The following UBXN4 variants were observed in gnomAD, a reference collection of about 807,000 sequenced individuals.
The protein encoded by UBXN4 is UBX domain protein 4.
UBXN4 carries 35 observed loss-of-function variants against 66.2 expected under a neutral mutation model. The ratio of observed to expected loss-of-function variants is 0.53; its 90% CI spans 0.40 to 0.70. UBXN4 has a LOEUF of 0.70. Ranked by LOEUF, UBXN4 falls within the 30% of genes least tolerant of loss-of-function variation. The probability of loss-of-function intolerance (pLI) is 0.00; values close to 1 mark genes in which losing one functional copy is unlikely to be tolerated. For missense variants in UBXN4, 533 were observed against 599.8 expected (o/e 0.89, Z 1.16); for synonymous variants, 203 against 204.5 (o/e 0.99, Z 0.06).
At chr2:135,782,676 G>C in intron 12 of UBXN4, 73 bp from the exon 13 acceptor site, 1 of 1,560,826 alleles carries the variant, frequency 6.4e-7, no homozygotes, top group Non-Finnish European at 8.7e-7. Context: ...ACTGATGGAA[G>C]TTGGAAACAG....
At chr2:135,752,880 C>T (rs914612809) in intron 2 of UBXN4, among the ~76,000 whole-genome samples, 2 of 151,890 alleles carry the variant, frequency 1.3e-5, no homozygotes, top group East Asian at 3.9e-4. Context: ...GCCACCACGC[C>T]GAGCTAATTT....
chr2:135,782,689 T>C (rs1442195510), intron 12 of UBXN4, 60 bp from the exon 13 acceptor site: 1 of 1,578,572 alleles, frequency 6.3e-7, no homozygotes, highest in African/African-American at 1.4e-5. Flanking sequence ...GGAAACAGCT[T>C]GTATTACTAT....
chr2:135,775,351 A>G (rs1384634891), intron 9 of UBXN4, among the ~76,000 whole-genome samples: 1 of 152,372 alleles, frequency 6.6e-6, no homozygotes, highest in Non-Finnish European at 1.5e-5. Context: ...AAAAACCTGT[A>G]CATGAGTATA....
At chr2:135,782,037 T>C (rs2077454026) in intron 12 of UBXN4, among the ~76,000 whole-genome samples, 1 of 152,218 alleles carries the variant, frequency 6.6e-6, no homozygotes, top group Non-Finnish European at 1.5e-5. Flanking sequence ...ATCGTGCCAC[T>C]GCACTCTAGC....
chr2:135,766,866 T>C (rs1361237641), intron 6 of UBXN4, among the ~76,000 whole-genome samples: 1 of 152,172 alleles, frequency 6.6e-6, no homozygotes, highest in Non-Finnish European at 1.5e-5. Flanking sequence ...ATTCATTGAT[T>C]TTTGCTGTAA....
chr2:135,773,037 CAA>C (rs78669415), intron 9 of UBXN4, among the ~76,000 whole-genome samples: 20 of 80,024 alleles, frequency 2.5e-4, no homozygotes, highest in African/African-American at 7.2e-4. Context: ...ACTCCGTCCC[CAA>C]AAAAAAAAAA....
In UBXN4 at chr2:135,741,904, G is replaced by C. The variant is rs774559339; in HGVS notation, c.-26G>C. On this transcript the variant is annotated 5_prime_UTR_variant, in exon 1 of 13. Transcript: ENST00000272638. The stretch of plus-strand genomic sequence containing the variant: ...CGGGACTGCGGAGACTACACACCGA[G>C]CGAGCGCCTGGGCCCGAAGGGAGCG... 3.7e-6 allele frequency: 6 copies of C among 1,603,786 alleles called. No homozygotes were observed. The highest frequency in any genetic ancestry group is 4.3e-6 in the Non-Finnish European group (5 of 1,175,686).
At chr2:135,770,974 AAGC>A in intron 8 of UBXN4, among the ~76,000 whole-genome samples, 1 of 152,276 alleles carries the variant, frequency 6.6e-6, no homozygotes, top group Middle Eastern at 3.4e-3. Flanking sequence ...AGCATTCAAA[AAGC>A]AGCTTTTAAA....
intron 2 of UBXN4, among the ~76,000 whole-genome samples, 163 bp from the exon 3 acceptor site, chr2:135,753,376 T>G (rs1575315431): frequency 6.6e-6 from 1 of 152,230 alleles, no homozygotes; most frequent in Non-Finnish European, 1.5e-5. Flanking sequence ...AAAGTCTTAA[T>G]GAAATAAGAA....
chr2:135,755,726 A>C (rs756914984), intron 5 of UBXN4, 35 bp downstream of exon 5: 1 of 1,319,456 alleles, frequency 7.6e-7, no homozygotes, highest in Non-Finnish European at 9.9e-7. Context: ...GTGCAATAGA[A>C]GCTCCTTCAC....
chr2:135,780,129 G>A (rs1029717014), intron 11 of UBXN4, 54 bp from the exon 12 acceptor site: 12 of 1,559,864 alleles, frequency 7.7e-6, no homozygotes, highest in Middle Eastern at 1.7e-4. Context: ...AACCTTGGGC[G>A]TGATGTGATT....
chr2:135,742,246 C>T (rs924554977), intron 1 of UBXN4, among the ~76,000 whole-genome samples: 1 of 152,216 alleles, frequency 6.6e-6, no homozygotes, highest in Admixed American at 6.5e-5. Context: ...CGCCCCCAGC[C>T]TTTCCTCAGT....
In UBXN4 at chr2:135,741,971, G is replaced by A. The variant is rs370745711; in HGVS notation, c.42G>A (p.Thr14=). 1.6e-4 allele frequency: 265 copies of A among 1,613,370 alleles called. No individual in the cohort carries two copies. Among genetic ancestry groups the A allele is most frequent in the Non-Finnish European group, 1.2e-4 (140 of 1,179,738 alleles). ...GCGCCATTCCGGCCGCCATCGCGAC[G>A]GCCAAAAGGAGCGGCGCGGTCTTCG... is the stretch of plus-strand genomic sequence containing the variant. ...FQGAIPAAIA[T]AKRSGAVFVV... Residue 14 remains threonine (T), a synonymous_variant, in exon 1 of 13, where the codon ACG becomes ACA. Coordinates refer to ENST00000272638, the MANE Select transcript of UBXN4 (RefSeq NM_014607.4).
chr2:135,761,475 G>T (rs1315718481), intron 5 of UBXN4, among the ~76,000 whole-genome samples: 1 of 152,180 alleles, frequency 6.6e-6, no homozygotes. Flanking sequence ...TTGTCTAGTG[G>T]CTGCTGTGTT....
At chr2:135,751,965 C>G (rs2077244920) in intron 2 of UBXN4, among the ~76,000 whole-genome samples, 1 of 152,098 alleles carries the variant, frequency 6.6e-6, no homozygotes, top group African/African-American at 2.4e-5. Context: ...GGAACCAAAT[C>G]AAGAAAATAT....
At chr2:135,765,288 C>T (rs2077340536) in intron 6 of UBXN4, among the ~76,000 whole-genome samples, 1 of 151,892 alleles carries the variant, frequency 6.6e-6, no homozygotes, top group Admixed American at 6.6e-5. Flanking sequence ...CGGCTCACTG[C>T]AACCTCCACC....
At position 135,767,879 on chromosome 2, in the gene UBXN4, C is replaced by CT. The variant is rs1207187165; in HGVS notation, c.603-1882dup. ...TAGCAGTTAAGACATGTCACAGATG[C>CT]TTTTTTTTCTCTCATGTGTTACTAT... On this transcript the variant is annotated intron_variant, in intron 6 of 12. Coordinates refer to ENST00000272638, the MANE Select transcript of UBXN4 (RefSeq NM_014607.4). Among the ~76,000 whole-genome samples, 11 of 151,990 alleles carry CT rather than the reference C, an allele frequency of 7.2e-5. No individual in the cohort carries two copies. In the South Asian group the frequency reaches 2.1e-3, roughly 29 times the overall value.
chr2:135,768,387 C>T (rs1425483900), intron 6 of UBXN4, among the ~76,000 whole-genome samples: 16 of 151,164 alleles, frequency 1.1e-4, no homozygotes, highest in African/African-American at 3.9e-4. Context: ...TTAGTGGAAA[C>T]AGGGTTTCAC....
intron 6 of UBXN4, among the ~76,000 whole-genome samples, chr2:135,763,840 T>G (rs995295612): frequency 7.0e-6 from 1 of 142,564 alleles, no homozygotes; most frequent in Non-Finnish European, 1.5e-5. Context: ...AGTAAATAAA[T>G]AAGACCAGGC....
Sources: allele counts gnomAD v4.1 joint callset (sites outside exome capture counted in the v4.1 genomes callset), GRCh38; gene constraint gnomAD v4.1.1; transcripts MANE v1.5; gene names NCBI Gene and HGNC (gene_info 2026-07-23, HGNC 2026-07-21).